The following AGBL1 variants were observed in gnomAD, a reference collection of about 807,000 sequenced individuals.
The protein encoded by AGBL1 is cytosolic carboxypeptidase 4.
In AGBL1, 130 loss-of-function variants were observed where a neutral mutation model predicts 118.9. The ratio of observed to expected loss-of-function variants is 1.09; its 90% CI spans 0.95 to 1.26. The LOEUF (loss-of-function observed/expected upper bound fraction) is 1.26, where lower values mean the gene tolerates loss of function less well. Among genes scored for constraint, AGBL1 ranks in the 50% most tolerant of loss-of-function variants. The probability of loss-of-function intolerance (pLI) is 0.00; values close to 1 mark genes in which losing one functional copy is unlikely to be tolerated. For missense variants in AGBL1, 1,584 were observed against 1,298.1 expected (o/e 1.22, Z -3.38); for synonymous variants, 555 against 478.9 (o/e 1.16, Z -2.08).
intron 2 of AGBL1, 127 bp from the exon 3 acceptor site, chr15:86,143,572 C>A: frequency 8.3e-7 from 1 of 1,202,354 alleles, no homozygotes; most frequent in Non-Finnish European, 1.1e-6. Context: ...GCTTCAAGAA[C>A]TACATAATTT....
At chr15:86,720,748 A>G (rs2086705771) in intron 22 of AGBL1, among the ~76,000 whole-genome samples, 1 of 152,222 alleles carries the variant, frequency 6.6e-6, no homozygotes, top group South Asian at 2.1e-4. Flanking sequence ...AAGTGGATAG[A>G]TCGCTAGCAA....
intron 16 of AGBL1, among the ~76,000 whole-genome samples, chr15:86,287,967 T>C (rs1258962159): frequency 1.3e-5 from 2 of 152,174 alleles, no homozygotes; most frequent in African/African-American, 4.8e-5. Context: ...CACAGAAATA[T>C]TTTCATTTTC....
chr15:86,434,416 C>G (rs1396030675), intron 18 of AGBL1, among the ~76,000 whole-genome samples: 1 of 152,176 alleles, frequency 6.6e-6, no homozygotes, highest in African/African-American at 2.4e-5. Flanking sequence ...AGGAAAATAG[C>G]TGAAATGCAG....
intron 22 of AGBL1, among the ~76,000 whole-genome samples, chr15:86,803,996 A>G (rs2078685773): frequency 6.6e-6 from 1 of 152,174 alleles, no homozygotes; most frequent in Non-Finnish European, 1.5e-5. Context: ...ACTAGTGCTT[A>G]TAACAAGTCT....
chr15:86,740,740 G>A (rs140606904), intron 22 of AGBL1, among the ~76,000 whole-genome samples: 2 of 152,202 alleles, frequency 1.3e-5, no homozygotes, highest in Non-Finnish European at 2.9e-5. Context: ...GTTCTATTCA[G>A]GATCTTTTTA....
At chr15:86,506,111 C>A (rs2082973314) in intron 18 of AGBL1, among the ~76,000 whole-genome samples, 1 of 151,996 alleles carries the variant, frequency 6.6e-6, no homozygotes, top group African/African-American at 2.4e-5. Flanking sequence ...CTGTTGATGT[C>A]TGGGCATGCC....
rs143581581 is a variant in AGBL1, at chr15:86,100,084, T to C, written c.51+20061T>C. Among the ~76,000 whole-genome samples, 27 of 152,330 alleles carry C rather than the reference T, an allele frequency of 1.8e-4. No homozygotes were observed. The East Asian group carries it at 4.8e-3, about 27-fold the overall frequency. On this transcript the variant is annotated intron_variant, in intron 1 of 22. Coordinates refer to ENST00000614907, the MANE Select transcript of AGBL1 (RefSeq NM_001386094.1). ...TTATCAAATGCTTTTTCAGCAGGTATTGGGATTGTCAGATGGCTTTTATCC... is the reference window on the plus strand; with the variant it reads ...TTATCAAATGCTTTTTCAGCAGGTACTGGGATTGTCAGATGGCTTTTATCC...
intron 18 of AGBL1, among the ~76,000 whole-genome samples, chr15:86,513,814 T>G (rs2083082276): frequency 6.6e-6 from 1 of 152,116 alleles, no homozygotes. Flanking sequence ...AACATAGTAC[T>G]ATTGTTCGTG....
chr15:86,354,002 A>T (rs1335169884), intron 17 of AGBL1, among the ~76,000 whole-genome samples: 2 of 152,214 alleles, frequency 1.3e-5, no homozygotes, highest in Non-Finnish European at 2.9e-5. Context: ...CAATACTTTA[A>T]TTTCAGAGAA....
chr15:86,555,613 C>T (rs2083722949), intron 21 of AGBL1, among the ~76,000 whole-genome samples: 1 of 152,130 alleles, frequency 6.6e-6, no homozygotes, highest in Non-Finnish European at 1.5e-5. Context: ...CTGAATTAAT[C>T]CTATTCACCC....
chr15:86,377,336 A>G (rs972977345), intron 17 of AGBL1, among the ~76,000 whole-genome samples: 1 of 152,334 alleles, frequency 6.6e-6, no homozygotes. Context: ...TGAGCCACTC[A>G]GGACACTGAA....
At chr15:86,434,736 A>T (rs2081979957) in intron 18 of AGBL1, among the ~76,000 whole-genome samples, 2 of 152,214 alleles carry the variant, frequency 1.3e-5, no homozygotes, top group Non-Finnish European at 2.9e-5. Flanking sequence ...GTCAGAGTTG[A>T]TAAGGGAACT....
intron 22 of AGBL1, among the ~76,000 whole-genome samples, chr15:86,869,663 T>C (rs1190774004): frequency 6.6e-6 from 1 of 152,110 alleles, no homozygotes; most frequent in African/African-American, 2.4e-5. Flanking sequence ...AGACAAATGC[T>C]TCCTAATAAT....
At chr15:86,367,771 C>T (rs535775112) in intron 17 of AGBL1, among the ~76,000 whole-genome samples, 99 of 152,096 alleles carry the variant, frequency 6.5e-4, no homozygotes, top group Admixed American at 3.9e-4. Context: ...AAACAGATGA[C>T]GTTGGTAGAT....
At chr15:86,462,338 G>A (rs1184861945) in intron 18 of AGBL1, among the ~76,000 whole-genome samples, 1 of 152,106 alleles carries the variant, frequency 6.6e-6, no homozygotes, top group Non-Finnish European at 1.5e-5. Flanking sequence ...TCCAGTCTCA[G>A]CCCAAGCTCT....
At chr15:86,625,371 TTTTTTTTGTTTTTG>T (rs1202611049) in intron 21 of AGBL1, among the ~76,000 whole-genome samples, 2,749 of 50,606 alleles carry the variant, frequency 0.054, 277 homozygotes, top group African/African-American at 0.15. Context: ...TAGCGTTTTT[TTTTTTTTGTTTTTG>T]TTTTTTTTTT....
intron 24 of AGBL1, among the ~76,000 whole-genome samples, chr15:87,027,869 C>T (rs961438375): frequency 3.3e-5 from 5 of 151,858 alleles, no homozygotes. Context: ...ACAACACACA[C>T]TGGGGCCTCT....
rs1567038683 is a variant in AGBL1 at position 86,522,908 on chromosome 15, A to C, written c.2654A>C (p.Tyr885Ser). Residue 885 changes from tyrosine (Y) to serine (S), a missense_variant, in exon 19 of 23, where the codon TAC becomes TCC. By Grantham distance (144) the Tyr-to-Ser change is moderately radical. Transcript: ENST00000614907. ...ATTTACCATGCCAAAGGCCTCCTCT[A>C]CCACCTGAGCAGCATTGGCCGAAGT... Reference protein sequence around the residue: ...PTIYHAKGLLYHLSSIGRSPV... With the variant: ...PTIYHAKGLLSHLSSIGRSPV... 1 of 1,613,852 alleles carries C rather than the reference A, an allele frequency of 6.2e-7. No homozygotes were observed. Among genetic ancestry groups the C allele is most frequent in the Admixed American group, 1.7e-5 (1 of 60,008 alleles).
intron 21 of AGBL1, among the ~76,000 whole-genome samples, chr15:86,589,224 C>G (rs1473030874): frequency 1.3e-5 from 2 of 152,092 alleles, no homozygotes; most frequent in African/African-American, 4.8e-5. Flanking sequence ...TAAGAATTTA[C>G]TGATAACTCT....
Sources: gnomAD v4.1 joint callset for allele counts (sites outside exome capture counted in the v4.1 genomes callset) on GRCh38, gnomAD v4.1.1 for gene constraint, MANE v1.5 for transcripts, NCBI Gene and HGNC (gene_info 2026-07-23, HGNC 2026-07-21) for gene names.